Variants in DSCAM observed in about 807,000 individuals in gnomAD.
The protein encoded by DSCAM is DS cell adhesion molecule.
A neutral mutation model predicts 217.7 loss-of-function variants in DSCAM; 47 were observed. The ratio of observed to expected loss-of-function variants is 0.22; its 90% CI spans 0.17 to 0.28. DSCAM has a LOEUF of 0.28. Among genes scored for constraint, DSCAM ranks in the 10% least tolerant of loss-of-function variants. The probability of loss-of-function intolerance (pLI) is 1.00; values close to 1 mark genes in which losing one functional copy is unlikely to be tolerated. For missense variants in DSCAM, 2,080 were observed against 2,618.3 expected, an observed-to-expected ratio of 0.79 and a Z score of 4.49; for synonymous variants, 1,056 against 1,015.3, an observed-to-expected ratio of 1.04 and a Z score of -0.76.
intron 2 of DSCAM, among the ~76,000 whole-genome samples, chr21:40,703,425 G>A (rs1226225570): frequency 6.6e-6 from 1 of 152,060 alleles, no homozygotes; most frequent in African/African-American, 2.4e-5. Context: ...AGGCTGAGAT[G>A]GGAGGATCAC....
chr21:40,241,381 GA>G (rs1249475318), intron 11 of DSCAM, among the ~76,000 whole-genome samples: 1 of 152,052 alleles, frequency 6.6e-6, no homozygotes, highest in African/African-American at 2.4e-5. Context: ...ACAAATATAT[GA>G]AAAAAGCTCA....
At chr21:40,589,481 CAGG>C (rs1319154298) in intron 3 of DSCAM, among the ~76,000 whole-genome samples, 2 of 152,030 alleles carry the variant, frequency 1.3e-5, no homozygotes, top group African/African-American at 4.8e-5. Context: ...GAGGCTGAAG[CAGG>C]AGAATTGCTT....
chr21:40,531,947 T>C (rs2076450392), intron 3 of DSCAM, among the ~76,000 whole-genome samples: 1 of 152,148 alleles, frequency 6.6e-6, no homozygotes, highest in African/African-American at 2.4e-5. Flanking sequence ...TCCAGCGACA[T>C]GTGGGTGGCC....
intron 3 of DSCAM, among the ~76,000 whole-genome samples, chr21:40,400,829 T>C (rs12626805): frequency 0.055 from 8,429 of 152,308 alleles, 470 homozygotes; most frequent in Admixed American, 0.17. Context: ...TGCATGACTT[T>C]TGTAACATCA....
intron 2 of DSCAM, among the ~76,000 whole-genome samples, chr21:40,696,904 G>A (rs1449132556): frequency 6.6e-6 from 1 of 152,108 alleles, no homozygotes; most frequent in East Asian, 1.9e-4. Context: ...TTTTCCCTGT[G>A]TTGGGAGCAC....
At chr21:40,490,877 A>G (rs1245605246) in intron 3 of DSCAM, among the ~76,000 whole-genome samples, 1 of 152,176 alleles carries the variant, frequency 6.6e-6, no homozygotes, top group Non-Finnish European at 1.5e-5. Context: ...TCATTCTTCA[A>G]CTTTCTCTAA....
At chr21:40,739,020 G>A (rs930964741) in intron 1 of DSCAM, among the ~76,000 whole-genome samples, 5 of 152,196 alleles carry the variant, frequency 3.3e-5, no homozygotes, top group Admixed American at 2.0e-4. Context: ...TTCTGCTAGC[G>A]TCCAGTGATG....
chr21:40,710,129 T>C (rs943975645), intron 1 of DSCAM, among the ~76,000 whole-genome samples: 10 of 152,250 alleles, frequency 6.6e-5, no homozygotes, highest in Non-Finnish European at 1.3e-4. Flanking sequence ...GCTGCATAAA[T>C]GTCTTCTTTT....
At position 40,376,579 on chromosome 21, in the gene DSCAM, CT is replaced by C. The variant is rs1464675281; in HGVS notation, c.509-7335del. Reference sequence around the variant, plus strand: ...ATATCTATATATCTTATATCGATATCTATATATCTTATATCGATATCTATAT... The same window carrying C: ...ATATCTATATATCTTATATCGATATCATATATCTTATATCGATATCTATAT... On this transcript the variant is annotated intron_variant, in intron 3 of 32. Coordinates refer to ENST00000400454, the MANE Select transcript of DSCAM (RefSeq NM_001389.5). 5.6e-4 allele frequency among the ~76,000 whole-genome samples: 39 copies of C among 69,280 alleles called. 5 individuals carry two copies. Among genetic ancestry groups the C allele is most frequent in the African/African-American group, 1.9e-3 (38 of 20,390 alleles). 45.5% of individuals were successfully genotyped at this position (69,280 alleles called of 152,430 possible). A position where few individuals can be genotyped will look rare whatever the true frequency, so the allele number is the denominator to read the frequency against.
chr21:40,280,437 C>T (rs541243527), intron 10 of DSCAM, among the ~76,000 whole-genome samples: 104 of 152,216 alleles, frequency 6.8e-4, no homozygotes, highest in African/African-American at 2.4e-3. Context: ...GATCCTTCCA[C>T]CTTAGCCTCC....
intron 3 of DSCAM, among the ~76,000 whole-genome samples, chr21:40,680,894 T>C (rs1335649235): frequency 6.6e-6 from 1 of 152,144 alleles, no homozygotes; most frequent in East Asian, 1.9e-4. Flanking sequence ...TTTCAGGAAC[T>C]ACACACACTG....
intron 3 of DSCAM, among the ~76,000 whole-genome samples, chr21:40,478,432 A>G (rs892322072): frequency 2.0e-5 from 3 of 152,208 alleles, no homozygotes; most frequent in African/African-American, 7.2e-5. Flanking sequence ...CAGCTTTTAA[A>G]AAGATTGGTC....
In DSCAM at chr21:40,700,743, T is replaced by A. The variant is rs200276399; in HGVS notation, c.361+7711A>T. 3.3e-5 allele frequency among the ~76,000 whole-genome samples: 5 copies of A among 151,170 alleles called. No individual in the cohort carries two copies. The East Asian group carries it at 9.7e-4, about 29-fold the overall frequency. ...TTATTCTTTCTTTCTTTCTTTTTTT[T>A]TTTTTTTGAGATGGAGTCTCCCTCA... is the stretch of plus-strand genomic sequence containing the variant. On this transcript the variant is annotated intron_variant, in intron 2 of 32. Transcript: ENST00000400454.
rs181248223 is a variant in DSCAM, at chr21:40,033,447, G to C, written c.5686+8924C>G. On this transcript the variant is annotated intron_variant, in intron 32 of 32. Transcript: ENST00000400454. Reference sequence around the variant, plus strand: ...CTGGAAAATCGGGTCACTCCCACCCGAATACTGCGCTTTTCTGACGAGCTT... The same window carrying C: ...CTGGAAAATCGGGTCACTCCCACCCCAATACTGCGCTTTTCTGACGAGCTT... 4.8e-3 allele frequency among the ~76,000 whole-genome samples: 728 copies of C among 152,224 alleles called. 7 individuals carry two copies. Among genetic ancestry groups the C allele is most frequent in the African/African-American group, 0.017 (695 of 41,494 alleles).
chr21:40,323,030 C>T (rs2074277332), intron 8 of DSCAM, among the ~76,000 whole-genome samples: 1 of 152,152 alleles, frequency 6.6e-6, no homozygotes, highest in Non-Finnish European at 1.5e-5. Flanking sequence ...AGGCCCACTT[C>T]ACCCAAGGAC....
At chr21:40,786,317 A>G (rs1351890365) in intron 1 of DSCAM, among the ~76,000 whole-genome samples, 1 of 152,042 alleles carries the variant, frequency 6.6e-6, no homozygotes, top group Non-Finnish European at 1.5e-5. Context: ...AAAGAGGGAG[A>G]AAGAAAGGAA....
At chr21:40,652,160 G>A (rs1271990325) in intron 3 of DSCAM, among the ~76,000 whole-genome samples, 2 of 116,776 alleles carry the variant, frequency 1.7e-5, no homozygotes, top group Non-Finnish European at 3.6e-5. Context: ...TTGAAGGGTG[G>A]GGGTGGAGGG....
intron 3 of DSCAM, among the ~76,000 whole-genome samples, chr21:40,461,127 A>G (rs952847039): frequency 1.3e-5 from 2 of 149,466 alleles, no homozygotes; most frequent in Non-Finnish European, 3.0e-5. Flanking sequence ...TAAAAGAAAG[A>G]AAAAACATGA....
At chr21:40,828,460 AG>A (rs1163950928) in intron 1 of DSCAM, among the ~76,000 whole-genome samples, 2 of 152,062 alleles carry the variant, frequency 1.3e-5, no homozygotes, top group Non-Finnish European at 2.9e-5. Context: ...AGAGCCTCAA[AG>A]GGCTTACCTG....
Sources: allele counts gnomAD v4.1 joint callset (sites outside exome capture counted in the v4.1 genomes callset), GRCh38; gene constraint gnomAD v4.1.1; transcripts MANE v1.5; gene names NCBI Gene and HGNC (gene_info 2026-07-23, HGNC 2026-07-21).